The following FERMT2 variants were observed in gnomAD, a reference collection of about 807,000 sequenced individuals.
FERMT2 encodes the protein fermitin family homolog 2.
A neutral mutation model predicts 82.7 loss-of-function variants in FERMT2; 15 were observed. The ratio of observed to expected loss-of-function variants is 0.18; its 90% CI spans 0.12 to 0.28. FERMT2 has a LOEUF of 0.28. FERMT2 is among the 10% of genes least tolerant of loss of function. The pLI is 1.00. For synonymous variants in FERMT2, 274 were observed against 271.5 expected, an observed-to-expected ratio of 1.01 and a Z score of -0.09; for missense variants, 645 against 809.4, an observed-to-expected ratio of 0.80 and a Z score of 2.46.
chr14:52,899,080 G>T (rs1887465953), intron 3 of FERMT2, among the ~76,000 whole-genome samples: 1 of 152,068 alleles, frequency 6.6e-6, no homozygotes, highest in Non-Finnish European at 1.5e-5. Flanking sequence ...ATTAGTAAAA[G>T]AATATTGTTA....
At chr14:52,912,014 C>T (rs918334691) in intron 3 of FERMT2, among the ~76,000 whole-genome samples, 38 of 150,932 alleles carry the variant, frequency 2.5e-4, no homozygotes, top group African/African-American at 9.3e-4. Flanking sequence ...ACCCCCAGTT[C>T]TTCATGATGT....
chr14:52,859,565 G>A lies in FERMT2; in HGVS notation c.1869+8C>T, dbSNP rs1278111525. 1.9e-6 allele frequency: 3 copies of A among 1,598,636 alleles called. No individual in the cohort carries two copies. The highest frequency in any genetic ancestry group is 1.3e-5 in the African/African-American group (1 of 74,402). On this transcript the variant is annotated splice_region_variant and intron_variant, in intron 14 of 14. Coordinates refer to ENST00000341590, the MANE Select transcript of FERMT2 (RefSeq NM_006832.3). ...GACTATATTCAAGTAACATTGTTAT[G>A]AGTTTACCATTTTGATTTCCCAGTT...
At chr14:52,932,366 G>A (rs774290136) in intron 2 of FERMT2, among the ~76,000 whole-genome samples, 2 of 152,132 alleles carry the variant, frequency 1.3e-5, no homozygotes, top group Non-Finnish European at 2.9e-5. Flanking sequence ...TAAGGAAATA[G>A]GTATTTAGGA....
At chr14:52,939,373 C>CAAAA (rs35130630) in intron 2 of FERMT2, among the ~76,000 whole-genome samples, 1 of 93,250 alleles carries the variant, frequency 1.1e-5, no homozygotes. Context: ...ACTACGGTCT[C>CAAAA]AAAAAAAAAA....
At chr14:52,860,136 T>C in intron 13 of FERMT2, 1 of 517,482 alleles carries the variant, frequency 1.9e-6, no homozygotes, top group South Asian at 2.7e-5. Context: ...ATTCTCTTAG[T>C]AGTAAAACAA....
At chr14:52,912,022 T>C (rs931511334) in intron 3 of FERMT2, among the ~76,000 whole-genome samples, 2 of 147,968 alleles carry the variant, frequency 1.4e-5, no homozygotes, top group Admixed American at 6.8e-5. Flanking sequence ...TTCTTCATGA[T>C]GTTAAGTAGA....
At position 52,936,051 on chromosome 14, in the gene FERMT2, T is replaced by C. The variant is rs1889823038; in HGVS notation, c.157+14361A>G. ...GGCTTATTGCTAATTTGGTTCAACCTGGCTTCATTCCTAGAAGACAGGGCT... is the reference window on the plus strand; with the variant it reads ...GGCTTATTGCTAATTTGGTTCAACCCGGCTTCATTCCTAGAAGACAGGGCT... On this transcript the variant is annotated intron_variant, in intron 2 of 14. Coordinates refer to ENST00000341590, the MANE Select transcript of FERMT2 (RefSeq NM_006832.3). 2.0e-5 allele frequency among the ~76,000 whole-genome samples: 3 copies of C among 152,240 alleles called. No individual in the cohort carries two copies. In the South Asian group the frequency reaches 6.2e-4, roughly 31 times the overall value.
rs139388557 is a variant in FERMT2, at chr14:52,892,023, A to C, written c.526+1270T>G. ...CAAACACAGAAAAGTCTGCTGACTC[A>C]TGACAGAAAGATGCCTAATTCAGAT... On this transcript the variant is annotated intron_variant, in intron 4 of 14. Coordinates refer to ENST00000341590, the MANE Select transcript of FERMT2 (RefSeq NM_006832.3). Among the ~76,000 whole-genome samples, 232 of 152,292 alleles carry C rather than the reference A, an allele frequency of 1.5e-3. 2 individuals are homozygous for C. Among genetic ancestry groups the C allele is most frequent in the African/African-American group, 5.4e-3 (226 of 41,562 alleles).
chr14:52,882,392 C>A (rs1012812863), intron 4 of FERMT2, among the ~76,000 whole-genome samples: 10 of 152,052 alleles, frequency 6.6e-5, no homozygotes, highest in Admixed American at 6.6e-4. Context: ...TAGGGCTAGA[C>A]ATATAGTAGA....
At chr14:52,881,761 A>G in intron 4 of FERMT2, 1 of 1,332,492 alleles carries the variant, frequency 7.5e-7, no homozygotes, top group Non-Finnish European at 9.8e-7. Context: ...CAGACAGACC[A>G]ACACTTTTTG....
chr14:52,864,723 T>C (rs758714686), intron 11 of FERMT2, 24 bp downstream of exon 11: 23 of 1,587,074 alleles, frequency 1.4e-5, no homozygotes, highest in Non-Finnish European at 1.9e-5. Context: ...AAAATTGAAG[T>C]GTATTTTTAA....
intron 2 of FERMT2, 52 bp downstream of exon 2, chr14:52,950,360 C>G: frequency 1.3e-6 from 2 of 1,582,124 alleles, no homozygotes; most frequent in Non-Finnish European, 1.7e-6. Flanking sequence ...TCTTTCCTCC[C>G]CCTACCAATT....
At chr14:52,940,704 T>C (rs1890051035) in intron 2 of FERMT2, among the ~76,000 whole-genome samples, 1 of 152,194 alleles carries the variant, frequency 6.6e-6, no homozygotes, top group African/African-American at 2.4e-5. Context: ...ACTGAGATTC[T>C]AGAAATTGAA....
chr14:52,922,956 T>C (rs1889045908), intron 2 of FERMT2, among the ~76,000 whole-genome samples: 1 of 152,176 alleles, frequency 6.6e-6, no homozygotes, highest in African/African-American at 2.4e-5. Flanking sequence ...CTAGACAGTA[T>C]AGCCTACTAC....
chr14:52,868,472 A>G (rs1885423087), intron 10 of FERMT2, among the ~76,000 whole-genome samples: 1 of 152,136 alleles, frequency 6.6e-6, no homozygotes, highest in Admixed American at 6.5e-5. Context: ...TATCTCGCCA[A>G]CATGCTCTAA....
chr14:52,886,475 T>G (rs1282267872), intron 4 of FERMT2, among the ~76,000 whole-genome samples: 1 of 152,158 alleles, frequency 6.6e-6, no homozygotes, highest in South Asian at 2.1e-4. Context: ...GGACTACAGG[T>G]GTACACCACA....
chr14:52,892,166 G>GTTTTTTTTT (rs10547747), intron 4 of FERMT2, among the ~76,000 whole-genome samples: 126 of 128,782 alleles, frequency 9.8e-4, no homozygotes, highest in East Asian at 3.4e-3. Flanking sequence ...GCTGTTTTTT[G>GTTTTTTTTT]TTTTTTTTTT....
At chr14:52,913,680 C>CAGTAGTAGTAGTAGTAGTAGT (rs60319673) in intron 3 of FERMT2, among the ~76,000 whole-genome samples, 5,054 of 147,792 alleles carry the variant, frequency 0.034, 162 homozygotes, top group African/African-American at 0.077. Flanking sequence ...CAGCCAAAAA[C>CAGTAGTAGTAGTAGTAGTAGT]AGTAGTAGTA....
chr14:52,879,506 A>G (rs975003965), intron 6 of FERMT2, among the ~76,000 whole-genome samples: 4 of 152,196 alleles, frequency 2.6e-5, no homozygotes, highest in Non-Finnish European at 5.9e-5. Flanking sequence ...AGGAATGCTC[A>G]ACATGTATTT....
Sources: allele counts gnomAD v4.1 joint callset (sites outside exome capture counted in the v4.1 genomes callset), GRCh38; gene constraint gnomAD v4.1.1; transcripts MANE v1.5; gene names NCBI Gene and HGNC (gene_info 2026-07-23, HGNC 2026-07-21).